NMT2: variants seen among roughly 807,000 people sequenced by gnomAD.
NMT2 encodes N-myristoyltransferase 2.
In NMT2, 35 loss-of-function variants were observed where a neutral mutation model predicts 65.4. That is an observed-to-expected ratio of 0.54 (90% CI 0.41 to 0.71). The LOEUF (loss-of-function observed/expected upper bound fraction) is 0.71, where lower values mean the gene tolerates loss of function less well. Among genes scored for constraint, NMT2 ranks in the 30% least tolerant of loss-of-function variants. NMT2 has a pLI of 0.00. For synonymous variants in NMT2, 226 were observed against 231.8 expected (o/e 0.98, Z 0.23); for missense variants, 489 against 611.3 (o/e 0.80, Z 2.11).
intron 8 of NMT2, among the ~76,000 whole-genome samples, chr10:15,120,945 T>G (rs1472825800): frequency 2.6e-5 from 4 of 152,082 alleles, no homozygotes; most frequent in Non-Finnish European, 1.5e-5. Context: ...ATTTAAAAAA[T>G]TAAGCCATAG....
intron 8 of NMT2, among the ~76,000 whole-genome samples, chr10:15,126,238 G>C (rs1233112308): frequency 6.6e-6 from 1 of 151,624 alleles, no homozygotes; most frequent in Non-Finnish European, 1.5e-5. Flanking sequence ...AGACCAGCCT[G>C]ACTAATATGG....
intron 2 of NMT2, 108 bp from the exon 3 acceptor site, chr10:15,135,526 A>T (rs1589324709): frequency 1.8e-6 from 2 of 1,118,268 alleles, no homozygotes; most frequent in Non-Finnish European, 2.6e-6. Flanking sequence ...AAACACTAAC[A>T]ATCCTCCTCC....
chr10:15,109,619 C>A, intron 11 of NMT2, 83 bp downstream of exon 11: 1 of 1,019,236 alleles, frequency 9.8e-7, no homozygotes, highest in South Asian at 2.6e-5. Context: ...TAAAATAAAG[C>A]TGTCTTAAGT....
chr10:15,165,799 A>C (rs1189758206), intron 1 of NMT2, among the ~76,000 whole-genome samples: 1 of 151,462 alleles, frequency 6.6e-6, no homozygotes, highest in East Asian at 1.9e-4. Context: ...AATTGCTTGA[A>C]TCCAGGAGGC....
At chr10:15,130,036 T>C (rs1416835796) in intron 7 of NMT2, 106 bp downstream of exon 7, 6 of 816,018 alleles carry the variant, frequency 7.4e-6, no homozygotes, top group Non-Finnish European at 1.1e-5. Context: ...TTCTAGGTTC[T>C]AGTCTCCATC....
In NMT2 at chr10:15,107,880, C is replaced by G; in HGVS notation, c.*1315G>C. 2.0e-6 allele frequency: 2 copies of G among 985,522 alleles called. No individual in the cohort carries two copies. The highest frequency in any genetic ancestry group is 2.4e-6 in the Non-Finnish European group (2 of 829,718). 61.0% of individuals were successfully genotyped at this position (985,522 alleles called of 1,614,324 possible). A position where few individuals can be genotyped will look rare whatever the true frequency, so the allele number is the denominator to read the frequency against. The stretch of plus-strand genomic sequence containing the variant: ...GTAAGCCATGAAAGTTTTTCAAATT[C>G]TAGATTAAAAACACCATCAGTAACA... On this transcript the variant is annotated 3_prime_UTR_variant, in exon 12 of 12. Transcript: ENST00000378165.
At position 15,108,390 on chromosome 10, in the gene NMT2, T is replaced by A. The variant is rs770237742; in HGVS notation, c.*805A>T. ...TTAGTAGAGATGGGGTTTCACTATG[T>A]TGGCCAGAATGGTCTCGATCTCCTG... On this transcript the variant is annotated 3_prime_UTR_variant, in exon 12 of 12. Transcript: ENST00000378165. The A allele has an allele frequency of 1.2e-4, 65 of 562,020 alleles. No homozygotes were observed. The highest frequency in any genetic ancestry group is 1.4e-4 in the Non-Finnish European group (63 of 443,834). The allele number at this position is 562,020 out of a possible 1,614,324, so 34.8% of individuals were successfully genotyped here. A position where few individuals can be genotyped will look rare whatever the true frequency, so the allele number is the denominator to read the frequency against.
At chr10:15,130,108 G>T in intron 7 of NMT2, 34 bp downstream of exon 7, 1 of 1,409,532 alleles carries the variant, frequency 7.1e-7, no homozygotes, top group Non-Finnish European at 9.3e-7. Context: ...TTTTGATAAA[G>T]GGAGGACCTG....
chr10:15,145,016 T>G (rs1846913543), intron 1 of NMT2, among the ~76,000 whole-genome samples: 1 of 152,156 alleles, frequency 6.6e-6, no homozygotes, highest in African/African-American at 2.4e-5. Context: ...CATCCTCTTA[T>G]GAATGAAGAC....
At chr10:15,116,729 G>C (rs73604509) in intron 9 of NMT2, among the ~76,000 whole-genome samples, 2,543 of 152,214 alleles carry the variant, frequency 0.017, 72 homozygotes, top group African/African-American at 0.058. Flanking sequence ...TGGTATGAAA[G>C]AAGAGATATC....
chr10:15,135,590 C>A (rs562269334), intron 2 of NMT2, among the ~76,000 whole-genome samples, 172 bp from the exon 3 acceptor site: 4 of 152,260 alleles, frequency 2.6e-5, no homozygotes, highest in Middle Eastern at 3.4e-3. Flanking sequence ...AGAAGCAAAC[C>A]CTCTGTTAAA....
At chr10:15,139,320 G>A (rs1455821833) in intron 2 of NMT2, among the ~76,000 whole-genome samples, 1 of 150,218 alleles carries the variant, frequency 6.7e-6, no homozygotes, top group Non-Finnish European at 1.5e-5. Flanking sequence ...CATTAGTTCT[G>A]TCCCTCTAGA....
chr10:15,119,542 A>AG (rs774017412), intron 8 of NMT2, 29 bp from the exon 9 acceptor site: 2 of 1,606,742 alleles, frequency 1.2e-6, no homozygotes, highest in African/African-American at 1.3e-5. Context: ...AAACAAATCC[A>AG]GAAGTTCAGG....
At chr10:15,155,278 C>T (rs753729609) in intron 1 of NMT2, 25 of 1,419,974 alleles carry the variant, frequency 1.8e-5, no homozygotes, top group African/African-American at 1.6e-4. Context: ...CCCAAGGCCT[C>T]GCTGTTGATG....
At chr10:15,152,860 A>T (rs746096754) in intron 1 of NMT2, among the ~76,000 whole-genome samples, 1 of 152,244 alleles carries the variant, frequency 6.6e-6, no homozygotes, top group Admixed American at 6.5e-5. Context: ...AGATTTTTAA[A>T]TATTCATCAG....
intron 2 of NMT2, 137 bp downstream of exon 2, chr10:15,141,285 G>A: frequency 1.7e-6 from 2 of 1,156,966 alleles, no homozygotes; most frequent in East Asian, 2.3e-5. Flanking sequence ...GCTGTCAAGA[G>A]CTTCCAGTTA....
At chr10:15,150,954 C>T (rs1386283839) in intron 1 of NMT2, among the ~76,000 whole-genome samples, 1 of 152,124 alleles carries the variant, frequency 6.6e-6, no homozygotes, top group Non-Finnish European at 1.5e-5. Flanking sequence ...AGTTTACTAA[C>T]TAGTCCCTCT....
chr10:15,112,966 A>C lies in NMT2; in HGVS notation c.1171-3T>G. On this transcript the variant is annotated splice_region_variant and splice_polypyrimidine_tract_variant and intron_variant, in intron 9 of 11. Coordinates refer to ENST00000378165, the MANE Select transcript of NMT2 (RefSeq NM_004808.3). ...TCAGTCAGTTTACCGTTGGGGCTCT[A>C]GGAGCAAAAGTGCTGTCAGACAGAG... The C allele has an allele frequency of 6.2e-7, 1 of 1,613,998 alleles. No homozygotes were observed. The highest frequency in any genetic ancestry group is 8.5e-7 in the Non-Finnish European group (1 of 1,179,920).
Position 15,109,129 on chromosome 10 carries a change from C to T in NMT2, c.*66G>A. Reference sequence around the variant, plus strand: ...GTGCTTTTATTCTTCTTTGGAATGGCAGTTCCAGAAATCATTAAATATTAA... The same window carrying T: ...GTGCTTTTATTCTTCTTTGGAATGGTAGTTCCAGAAATCATTAAATATTAA... On this transcript the variant is annotated 3_prime_UTR_variant, in exon 12 of 12. Coordinates refer to ENST00000378165, the MANE Select transcript of NMT2 (RefSeq NM_004808.3). The T allele has an allele frequency of 1.3e-6, 2 of 1,585,646 alleles. No homozygotes were observed. The highest frequency in any genetic ancestry group is 2.3e-5 in the East Asian group (1 of 43,908).
Sources: gnomAD v4.1 joint callset for allele counts (sites outside exome capture counted in the v4.1 genomes callset) on GRCh38, gnomAD v4.1.1 for gene constraint, MANE v1.5 for transcripts, NCBI Gene and HGNC (gene_info 2026-07-23, HGNC 2026-07-21) for gene names.